AFF4: variants seen among roughly 807,000 people sequenced by gnomAD.
AFF4 encodes AF4/FMR2 family member 4.
A neutral mutation model predicts 124.8 loss-of-function variants in AFF4; 13 were observed. The observed-to-expected ratio is 0.10, with a 90% CI of 0.07 to 0.17. The LOEUF is 0.17. Among genes scored for constraint, AFF4 ranks in the 10% least tolerant of loss-of-function variants. AFF4 has a pLI of 1.00. For missense variants in AFF4, 1,092 were observed against 1,403.8 expected, an observed-to-expected ratio of 0.78 and a Z score of 3.55; for synonymous variants, 477 against 496.1, an observed-to-expected ratio of 0.96 and a Z score of 0.51.
At chr5:132,908,755 T>TAC (rs1561490328) in intron 5 of AFF4, among the ~76,000 whole-genome samples, 1 of 134,838 alleles carries the variant, frequency 7.4e-6, no homozygotes, top group Non-Finnish European at 1.5e-5. Context: ...ACTATATATA[T>TAC]ACATATATAT....
At chr5:132,934,077 A>G (rs1761362165) in intron 3 of AFF4, 70 bp downstream of exon 3, 2 of 1,485,472 alleles carry the variant, frequency 1.3e-6, no homozygotes, top group South Asian at 1.3e-5. Flanking sequence ...TTCAAGTTCA[A>G]TCGTAATTTC....
chr5:132,920,015 TAGG>T (rs1168986530), intron 5 of AFF4, among the ~76,000 whole-genome samples: 1 of 151,462 alleles, frequency 6.6e-6, no homozygotes, highest in Non-Finnish European at 1.5e-5. Flanking sequence ...GGAAACAACA[TAGG>T]AGGATTTGGG....
At chr5:132,959,104 T>C (rs1762023385) in intron 1 of AFF4, among the ~76,000 whole-genome samples, 1 of 151,338 alleles carries the variant, frequency 6.6e-6, no homozygotes, top group Non-Finnish European at 1.5e-5. Flanking sequence ...ATGCCTTCTG[T>C]CAGAACATTC....
chr5:132,923,857 G>C (rs1192897880), intron 5 of AFF4, among the ~76,000 whole-genome samples: 2 of 152,208 alleles, frequency 1.3e-5, no homozygotes, highest in Non-Finnish European at 2.9e-5. Flanking sequence ...AATGTTTATA[G>C]ATGCTTTATT....
chr5:132,901,217 T>A (rs1261399871), intron 7 of AFF4: 3 of 938,866 alleles, frequency 3.2e-6, no homozygotes, highest in Admixed American at 6.2e-5. Flanking sequence ...CACATGTGAA[T>A]ATGTCAAAGC....
chr5:132,916,522 C>T (rs1227227165), intron 5 of AFF4, among the ~76,000 whole-genome samples: 1 of 152,092 alleles, frequency 6.6e-6, no homozygotes, highest in Non-Finnish European at 1.5e-5. Flanking sequence ...ATCTTCCTAT[C>T]CCATAATTTC....
intron 20 of AFF4, among the ~76,000 whole-genome samples, chr5:132,882,909 G>C (rs1314795817): frequency 6.7e-6 from 1 of 150,030 alleles, no homozygotes; most frequent in Non-Finnish European, 1.5e-5. Flanking sequence ...TATTTCACAG[G>C]TTTCTTCCAA....
At chr5:132,949,693 C>CAA (rs1761786422) in intron 1 of AFF4, among the ~76,000 whole-genome samples, 1 of 145,014 alleles carries the variant, frequency 6.9e-6, no homozygotes, top group African/African-American at 2.7e-5. Context: ...ACCACACACA[C>CAA]ACACACACGC....
chr5:132,919,765 G>C (rs143063430), intron 5 of AFF4, among the ~76,000 whole-genome samples: 1 of 152,012 alleles, frequency 6.6e-6, no homozygotes, highest in African/African-American at 2.4e-5. Flanking sequence ...CATGAGAATC[G>C]CTTGAGCCCA....
intron 6 of AFF4, among the ~76,000 whole-genome samples, chr5:132,903,048 C>T (rs1303093777): frequency 6.6e-6 from 1 of 152,010 alleles, no homozygotes; most frequent in African/African-American, 2.4e-5. Context: ...CTTATGATCC[C>T]ATTTGTGAAC....
chr5:132,932,218 G>T lies in AFF4; in HGVS notation c.923C>A (p.Ser308Ter). Residue 308 changes from serine to a stop codon, truncating the protein, a stop_gained, in exon 4 of 21, where the codon TCA (serine) becomes TAA (stop). Transcript: ENST00000265343. LOFTEE classifies it high-confidence loss of function. Reference sequence around the variant, plus strand: ...CACACAGCTCACATCACCAGAAGCTGATGCCTTGAAAGAAAAAGCAGCACA... The same window carrying T: ...CACACAGCTCACATCACCAGAAGCTTATGCCTTGAAAGAAAAAGCAGCACA... Reference protein sequence around the residue: ...LKIPSQPLDASASGDVSCVDE... With the variant: ...LKIPSQPLDA 6.2e-7 allele frequency: 1 copy of T among 1,606,260 alleles called. No homozygotes were observed. The highest frequency in any genetic ancestry group is 8.5e-7 in the Non-Finnish European group (1 of 1,176,984).
chr5:132,878,635 C>A lies in AFF4; in HGVS notation c.*2424G>T, dbSNP rs895793233. The A allele has an allele frequency of 1.3e-5, 3 of 228,874 alleles. No homozygotes were observed. Among genetic ancestry groups the A allele is most frequent in the Non-Finnish European group, 2.6e-5 (3 of 115,314 alleles). The allele number at this position is 228,874 out of a possible 1,614,324, so 14.2% of individuals were successfully genotyped here. On this transcript the variant is annotated 3_prime_UTR_variant, in exon 21 of 21. Coordinates refer to ENST00000265343, the MANE Select transcript of AFF4 (RefSeq NM_014423.4). The stretch of plus-strand genomic sequence containing the variant: ...CAATCATTTATGATAGGATTTTGAT[C>A]CATTGCCCATTACTACCTTGTGGGA...
chr5:132,950,377 A>G (rs1382752223), intron 1 of AFF4, among the ~76,000 whole-genome samples: 1 of 152,268 alleles, frequency 6.6e-6, no homozygotes, highest in African/African-American at 2.4e-5. Flanking sequence ...TGGGAGGCTG[A>G]GGCAGGAGAA....
intron 5 of AFF4, among the ~76,000 whole-genome samples, chr5:132,923,723 C>T (rs1409605633): frequency 3.3e-5 from 5 of 152,032 alleles, no homozygotes; most frequent in Admixed American, 6.6e-5. Context: ...CTAGGCAAGA[C>T]CTCAGTCTCT....
chr5:132,951,469 C>A (rs1761840566), intron 1 of AFF4, among the ~76,000 whole-genome samples: 1 of 152,204 alleles, frequency 6.6e-6, no homozygotes, highest in East Asian at 1.9e-4. Context: ...AGTATTCTCT[C>A]CCCCTGTAAG....
At chr5:132,897,578 C>T (rs935180283) in intron 10 of AFF4, among the ~76,000 whole-genome samples, 6 of 151,940 alleles carry the variant, frequency 3.9e-5, no homozygotes, top group Admixed American at 3.3e-4. Flanking sequence ...GATGCGGTGG[C>T]GCACGCCTGT....
At chr5:132,882,700 C>A (rs927926247) in intron 20 of AFF4, among the ~76,000 whole-genome samples, 1 of 151,408 alleles carries the variant, frequency 6.6e-6, no homozygotes, top group African/African-American at 2.4e-5. Context: ...ACTAAAAATA[C>A]AAAAATTAGC....
chr5:132,915,554 C>T (rs569337945), intron 5 of AFF4, among the ~76,000 whole-genome samples: 2 of 140,186 alleles, frequency 1.4e-5, no homozygotes, highest in Admixed American at 7.8e-5. Flanking sequence ...CTTTGACCCA[C>T]TTCTTTTTTT....
chr5:132,934,374 C>T lies in AFF4; in HGVS notation c.691G>A (p.Gly231Arg), dbSNP rs899539984. 1.2e-6 allele frequency: 2 copies of T among 1,614,084 alleles called. No individual in the cohort carries two copies. The highest frequency in any genetic ancestry group is 1.7e-6 in the Non-Finnish European group (2 of 1,180,036). Residue 231 changes from glycine (G) to arginine (R), a missense_variant, in exon 3 of 21, where the codon GGG becomes AGG. Coordinates refer to ENST00000265343, the MANE Select transcript of AFF4 (RefSeq NM_014423.4). ...DSPSRVPFSS[G>R]QHSTQSFPPS... ...GGGAAAGATTGAGTTGAGTGCTGCC[C>T]ACTTGAAAAAGGTACACGGGAAGGA... is the stretch of plus-strand genomic sequence containing the variant.
Sources: allele counts gnomAD v4.1 joint callset (sites outside exome capture counted in the v4.1 genomes callset), GRCh38; gene constraint gnomAD v4.1.1; transcripts MANE v1.5; gene names NCBI Gene and HGNC (gene_info 2026-07-23, HGNC 2026-07-21).